PKP4: variants seen among roughly 807,000 people sequenced by gnomAD.
The protein encoded by PKP4 is plakophilin-4.
In PKP4, 90 loss-of-function variants were observed where a neutral mutation model predicts 145.1. That is an observed-to-expected ratio of 0.62 (90% CI 0.52 to 0.74). The LOEUF (loss-of-function observed/expected upper bound fraction) is 0.74. Ranked by LOEUF, PKP4 falls within the 30% of genes least tolerant of loss-of-function variation. The probability of loss-of-function intolerance (pLI) is 0.00; values close to 1 mark genes in which losing one functional copy is unlikely to be tolerated. For missense variants in PKP4, 1,340 were observed against 1,482.7 expected, an observed-to-expected ratio of 0.90 and a Z score of 1.58; for synonymous variants, 563 against 577.2, an observed-to-expected ratio of 0.98 and a Z score of 0.35.
intron 9 of PKP4, 42 bp downstream of exon 9, chr2:158,634,331 A>T: frequency 6.6e-7 from 1 of 1,516,560 alleles, no homozygotes; most frequent in Non-Finnish European, 9.1e-7. Context: ...ACAGTATTGC[A>T]GGAGTCAGCC....
At position 158,632,080 on chromosome 2, in the gene PKP4, A is replaced by G. The variant is rs534175220; in HGVS notation, c.1342+139A>G. 1.0e-5 allele frequency: 7 copies of G among 682,646 alleles called. No individual in the cohort carries two copies. In the Admixed American group the frequency reaches 1.9e-4, roughly 19 times the overall value. The allele number at this position is 682,646 out of a possible 1,614,324, so 42.3% of individuals were successfully genotyped here. A position where few individuals can be genotyped will look rare whatever the true frequency, so the allele number is the denominator to read the frequency against. On this transcript the variant is annotated intron_variant, in intron 8 of 21. Coordinates refer to ENST00000389759, the MANE Select transcript of PKP4 (RefSeq NM_003628.6). ...AGATAAGCAGCTGTGACAGCAGATC[A>G]ATAAGCAATAAAACAGGTTCATTTA... is the stretch of plus-strand genomic sequence containing the variant.
Position 158,680,582 on chromosome 2 carries a change from C to T in PKP4, c.3484C>T (p.Leu1162=). 2 of 1,613,982 alleles carry T rather than the reference C, an allele frequency of 1.2e-6. No individual in the cohort carries two copies. Among genetic ancestry groups the T allele is most frequent in the Non-Finnish European group, 8.5e-7 (1 of 1,179,850 alleles). ...ASTDYSTQYG[L]KSTTNYVDFY... ...TACTGATTACTCAACACAGTATGGA[C>T]TGAAATCGACCACAAATTATGTAGA... The change falls in exon 22 of 22, where the codon CTG becomes TTG. Residue 1162 remains leucine (L), a synonymous_variant. Transcript: ENST00000389759.
At chr2:158,577,116 A>G (rs1254842169) in intron 2 of PKP4, among the ~76,000 whole-genome samples, 155 bp from the exon 3 acceptor site, 1 of 152,160 alleles carries the variant, frequency 6.6e-6, no homozygotes, top group Non-Finnish European at 1.5e-5. Context: ...TCAATAGGTC[A>G]TTTATTTCAT....
chr2:158,555,430 A>G (rs1344365893), intron 2 of PKP4, among the ~76,000 whole-genome samples: 1 of 152,250 alleles, frequency 6.6e-6, no homozygotes, highest in Non-Finnish European at 1.5e-5. Flanking sequence ...CACTACAAAT[A>G]TAAGTGTAAA....
chr2:158,667,911 T>G (rs1235452413), intron 16 of PKP4, among the ~76,000 whole-genome samples: 3 of 152,254 alleles, frequency 2.0e-5, no homozygotes, highest in African/African-American at 4.8e-5. Flanking sequence ...TTTGGATTTC[T>G]TATAAGAAGC....
intron 1 of PKP4, among the ~76,000 whole-genome samples, chr2:158,486,629 A>T (rs1694202958): frequency 6.6e-6 from 1 of 152,250 alleles, no homozygotes; most frequent in Non-Finnish European, 1.5e-5. Flanking sequence ...CTTCTAAACT[A>T]TAAGGCAGAG....
rs540842500 is a variant in PKP4 at position 158,583,869 on chromosome 2, GA to G, written c.245+6487del. 2.5e-3 allele frequency among the ~76,000 whole-genome samples: 384 copies of G among 151,828 alleles called. 3 individuals carry two copies. The highest frequency in any genetic ancestry group is 8.4e-3 in the African/African-American group (348 of 41,340). The stretch of plus-strand genomic sequence containing the variant: ...TGTTTCTTATATTTTTATATTTTCT[GA>G]TTTTTTTTAATAAACCTTTGTGTCG... On this transcript the variant is annotated intron_variant, in intron 3 of 21. Transcript: ENST00000389759.
intron 1 of PKP4, among the ~76,000 whole-genome samples, chr2:158,484,173 G>A (rs1265499731): frequency 2.0e-5 from 3 of 151,430 alleles, no homozygotes; most frequent in Non-Finnish European, 4.4e-5. Flanking sequence ...TCAGCCTCCC[G>A]AGTAGCTGGG....
intron 1 of PKP4, among the ~76,000 whole-genome samples, chr2:158,511,429 G>A (rs1253480138): frequency 6.6e-6 from 1 of 151,900 alleles, no homozygotes; most frequent in Non-Finnish European, 1.5e-5. Context: ...TCTGTACATA[G>A]TGTATTATGT....
chr2:158,487,922 TTTAG>T (rs1394915922), intron 1 of PKP4, among the ~76,000 whole-genome samples: 1 of 152,162 alleles, frequency 6.6e-6, no homozygotes, highest in Non-Finnish European at 1.5e-5. Flanking sequence ...GTAAAATAAG[TTTAG>T]TAGAAAACTA....
intron 1 of PKP4, among the ~76,000 whole-genome samples, chr2:158,530,692 T>C (rs1037678248): frequency 3.3e-5 from 5 of 151,866 alleles, no homozygotes; most frequent in African/African-American, 1.2e-4. Context: ...CCCTGCCCCA[T>C]GTTGGTTGTG....
intron 1 of PKP4, among the ~76,000 whole-genome samples, chr2:158,465,555 T>C (rs1012778513): frequency 6.6e-6 from 1 of 152,242 alleles, no homozygotes; most frequent in African/African-American, 2.4e-5. Context: ...TATTTTCGTT[T>C]ATTGTGTTTT....
At chr2:158,651,210 A>G (rs1021587910) in intron 11 of PKP4, among the ~76,000 whole-genome samples, 3 of 152,180 alleles carry the variant, frequency 2.0e-5, no homozygotes, top group Non-Finnish European at 4.4e-5. Context: ...TTAGCCCAGC[A>G]GACAGTTTTA....
At chr2:158,528,669 G>GAAAAAAAA (rs59566011) in intron 1 of PKP4, among the ~76,000 whole-genome samples, 5 of 85,956 alleles carry the variant, frequency 5.8e-5, no homozygotes, top group Non-Finnish European at 1.1e-4. Context: ...CTTACTAAAT[G>GAAAAAAAA]AAAAAAAAAA....
chr2:158,569,696 G>T (rs2047268822), intron 2 of PKP4, among the ~76,000 whole-genome samples: 1 of 151,952 alleles, frequency 6.6e-6, no homozygotes, highest in Non-Finnish European at 1.5e-5. Flanking sequence ...CAAAATGATA[G>T]TTCCTTGAGA....
At chr2:158,650,593 G>A (rs552157663) in intron 11 of PKP4, among the ~76,000 whole-genome samples, 2 of 152,146 alleles carry the variant, frequency 1.3e-5, no homozygotes, top group Non-Finnish European at 2.9e-5. Context: ...ACTGGAATAT[G>A]CAGGCTGGGG....
chr2:158,473,039 C>T (rs1275765235), intron 1 of PKP4, among the ~76,000 whole-genome samples: 1 of 152,040 alleles, frequency 6.6e-6, no homozygotes. Flanking sequence ...TCCATGTGGT[C>T]AACAAGCACG....
intron 2 of PKP4, among the ~76,000 whole-genome samples, chr2:158,544,998 G>A (rs2044854820): frequency 6.6e-6 from 1 of 150,990 alleles, no homozygotes; most frequent in African/African-American, 2.4e-5. Context: ...CAGTGCCATT[G>A]GGCACCCAGA....
intron 2 of PKP4, among the ~76,000 whole-genome samples, chr2:158,561,132 A>G (rs577309353): frequency 2.6e-5 from 4 of 152,324 alleles, no homozygotes; most frequent in African/African-American, 9.6e-5. Context: ...TTCAGTTTCC[A>G]TATATATTAT....
Sources: gnomAD v4.1 joint callset for allele counts (sites outside exome capture counted in the v4.1 genomes callset) on GRCh38, gnomAD v4.1.1 for gene constraint, MANE v1.5 for transcripts, NCBI Gene and HGNC (gene_info 2026-07-23, HGNC 2026-07-21) for gene names.